The following MYLK variants were observed in gnomAD, a reference collection of about 807,000 sequenced individuals.
MYLK encodes myosin light chain kinase.
MYLK carries 106 observed loss-of-function variants against 203.4 expected under a neutral mutation model. The ratio of observed to expected loss-of-function variants is 0.52; its 90% confidence interval spans 0.45 to 0.61. The LOEUF is 0.61. Among genes scored for constraint, MYLK ranks in the 20% least tolerant of loss-of-function variants. The pLI is 0.00. For synonymous variants in MYLK, 867 were observed against 959.5 expected (o/e 0.90, Z 1.78); for missense variants, 2,072 against 2,442.3 (o/e 0.85, Z 3.20).
At chr3:123,735,673 C>A in intron 8 of MYLK, 1 of 470,658 alleles carries the variant, frequency 2.1e-6, no homozygotes, top group Non-Finnish European at 3.9e-6. Flanking sequence ...TTTCTGTTCA[C>A]TAAACAGAAG....
intron 12 of MYLK, among the ~76,000 whole-genome samples, chr3:123,725,443 T>C (rs1380053209): frequency 1.3e-5 from 2 of 152,208 alleles, no homozygotes; most frequent in Non-Finnish European, 2.9e-5. Context: ...GGACTATCAG[T>C]TTAAAAAGAA....
At chr3:123,673,484 C>G (rs1447296735) in intron 20 of MYLK, among the ~76,000 whole-genome samples, 1 of 152,188 alleles carries the variant, frequency 6.6e-6, no homozygotes, top group South Asian at 2.1e-4. Flanking sequence ...CCCCAGAGGA[C>G]TTCTCTGTCC....
chr3:123,649,745 T>C (rs2059145958), intron 24 of MYLK, among the ~76,000 whole-genome samples: 1 of 152,180 alleles, frequency 6.6e-6, no homozygotes, highest in Non-Finnish European at 1.5e-5. Context: ...GGCAAAAACA[T>C]ATATACTTGA....
rs758839208 is a variant in MYLK, at chr3:123,692,774, C to T, written c.3526G>A (p.Ala1176Thr). The T allele has an allele frequency of 4.8e-5, 77 of 1,613,960 alleles. No individual in the cohort carries two copies. The highest frequency in any genetic ancestry group is 6.0e-5 in the Non-Finnish European group (71 of 1,180,014). Reference sequence around the variant, plus strand: ...TGGCAGGAGCACTCCGCCTGGCCAGCGTCATTCTTGGCTACACACTTGTAT... The same window carrying T: ...TGGCAGGAGCACTCCGCCTGGCCAGTGTCATTCTTGGCTACACACTTGTAT... ...GLYKCVAKND[A>T]GQAECSCQVT... The change falls in exon 19 of 34, where the codon GCT becomes ACT. Residue 1176 changes from alanine (A) to threonine (T), a missense_variant. Physicochemically the swap from Ala to Thr is moderately conservative, Grantham distance 58. This residue lies in a region of MYLK where 865 missense variants were observed against 1,016.0 expected (regional missense o/e 0.85). Transcript: ENST00000360304.
At chr3:123,743,770 G>A (rs1433372048) in intron 5 of MYLK, among the ~76,000 whole-genome samples, 1 of 152,170 alleles carries the variant, frequency 6.6e-6, no homozygotes, top group African/African-American at 2.4e-5. Context: ...TGTTTGTCAG[G>A]TGATACAGAA....
chr3:123,650,579 T>C (rs1159476682), intron 24 of MYLK, among the ~76,000 whole-genome samples: 1 of 152,092 alleles, frequency 6.6e-6, no homozygotes, highest in Admixed American at 6.5e-5. Flanking sequence ...GATTGGAAAG[T>C]ATATTTTATC....
At chr3:123,880,960 T>C (rs568297632) in intron 1 of MYLK, among the ~76,000 whole-genome samples, 1 of 152,344 alleles carries the variant, frequency 6.6e-6, no homozygotes, top group African/African-American at 2.4e-5. Context: ...TCCACCCACC[T>C]TGAGTTTGTG....
At chr3:123,657,964 A>C (rs564020400) in intron 23 of MYLK, among the ~76,000 whole-genome samples, 97 of 152,296 alleles carry the variant, frequency 6.4e-4, no homozygotes, top group Admixed American at 1.4e-3. Flanking sequence ...GACAGATTCA[A>C]GTTTGAACAC....
intron 3 of MYLK, among the ~76,000 whole-genome samples, chr3:123,806,798 G>GA (rs2065382548): frequency 6.6e-6 from 1 of 151,988 alleles, no homozygotes; most frequent in Non-Finnish European, 1.5e-5. Context: ...GAGTAGCTGG[G>GA]ATTACAGGTG....
chr3:123,731,220 T>C (rs538553510), intron 11 of MYLK, among the ~76,000 whole-genome samples: 2 of 152,330 alleles, frequency 1.3e-5, no homozygotes, highest in East Asian at 3.9e-4. Flanking sequence ...ATAATATTTC[T>C]TGTAAAGGAA....
chr3:123,790,896 T>C (rs1040357184), intron 4 of MYLK, among the ~76,000 whole-genome samples: 3 of 151,984 alleles, frequency 2.0e-5, no homozygotes, highest in African/African-American at 7.3e-5. Context: ...CAGGCAGAGG[T>C]GCTGTGGGCA....
chr3:123,835,860 T>C (rs1005785899), intron 2 of MYLK: 3 of 152,206 alleles, frequency 2.0e-5, no homozygotes, highest in Non-Finnish European at 2.9e-5. Context: ...AGAAATTATC[T>C]GACCTACCTT....
intron 30 of MYLK, among the ~76,000 whole-genome samples, chr3:123,628,246 C>G (rs926904849): frequency 1.3e-5 from 2 of 152,198 alleles, no homozygotes; most frequent in Non-Finnish European, 2.9e-5. Context: ...GGGTGCATCA[C>G]AGGAAAGCCT....
intron 19 of MYLK, among the ~76,000 whole-genome samples, chr3:123,686,798 G>A (rs1244797686): frequency 1.3e-5 from 2 of 152,212 alleles, no homozygotes; most frequent in Non-Finnish European, 2.9e-5. Flanking sequence ...TATGCACGGT[G>A]CTAAGTACTT....
chr3:123,653,986 T>TTGGGTGTGTGTGTG (rs1553783586), intron 24 of MYLK, among the ~76,000 whole-genome samples: 5 of 137,756 alleles, frequency 3.6e-5, no homozygotes, highest in East Asian at 4.3e-4. Context: ...CAGAGGGATG[T>TTGGGTGTGTGTGTG]TGTGTGTGTG....
At chr3:123,794,186 T>C (rs1220152341) in intron 3 of MYLK, among the ~76,000 whole-genome samples, 1 of 152,214 alleles carries the variant, frequency 6.6e-6, no homozygotes, top group African/African-American at 2.4e-5. Flanking sequence ...GTTCTTATAA[T>C]AGATATCTAT....
intron 19 of MYLK, among the ~76,000 whole-genome samples, chr3:123,685,612 G>GAAAA (rs59215456): frequency 2.5e-3 from 284 of 111,566 alleles, no homozygotes; most frequent in Non-Finnish European, 3.7e-3. Flanking sequence ...TCCAAAAAAT[G>GAAAA]AAAAAAAAAA....
chr3:123,857,853 C>A (rs565435103), intron 2 of MYLK, among the ~76,000 whole-genome samples: 1 of 152,002 alleles, frequency 6.6e-6, no homozygotes, highest in Non-Finnish European at 1.5e-5. Context: ...TGGGCTATGG[C>A]CCTAACTAAG....
chr3:123,777,310 C>G (rs2064114901), intron 4 of MYLK, among the ~76,000 whole-genome samples: 2 of 152,370 alleles, frequency 1.3e-5, no homozygotes, highest in Middle Eastern at 3.4e-3. Flanking sequence ...AATTCAAACT[C>G]AGATATCCTG....
Sources: gnomAD v4.1 joint callset for allele counts (sites outside exome capture counted in the v4.1 genomes callset) on GRCh38, gnomAD v4.1.1 for gene constraint, gnomAD v4.1.1 regional missense constraint, MANE v1.5 for transcripts, NCBI Gene and HGNC (gene_info 2026-07-23, HGNC 2026-07-21) for gene names.